Variants in ADA observed in about 807,000 individuals in gnomAD.
ADA encodes adenosine aminohydrolase.
Under a neutral mutation model 49.0 loss-of-function variants are expected in ADA, and 45 were observed. The ratio of observed to expected loss-of-function variants is 0.92; its 90% CI spans 0.72 to 1.18. The LOEUF (loss-of-function observed/expected upper bound fraction) is 1.18. Among genes scored for constraint, ADA ranks in the 50% most tolerant of loss-of-function variants. The probability of loss-of-function intolerance (pLI) is 0.00; values close to 1 mark genes in which losing one functional copy is unlikely to be tolerated. For missense variants in ADA, 445 were observed against 472.5 expected, an observed-to-expected ratio of 0.94 and a Z score of 0.54; for synonymous variants, 173 against 184.2, an observed-to-expected ratio of 0.94 and a Z score of 0.49.
At chr20:44,622,538 T>C (rs1568843244) in intron 9 of ADA, 50 bp downstream of exon 9, 3 of 1,608,654 alleles carry the variant, frequency 1.9e-6, no homozygotes, top group Non-Finnish European at 2.6e-6. Context: ...TTCTTCCCTC[T>C]TTGGCCTTCC....
intron 2 of ADA, among the ~76,000 whole-genome samples, chr20:44,634,100 C>G (rs1676761434): frequency 6.6e-6 from 1 of 152,214 alleles, no homozygotes; most frequent in Non-Finnish European, 1.5e-5. Context: ...GGCTCCTTTC[C>G]CCTTTCTCTT....
At chr20:44,637,203 T>C (rs1002299069) in intron 1 of ADA, among the ~76,000 whole-genome samples, 2 of 152,120 alleles carry the variant, frequency 1.3e-5, no homozygotes, top group Non-Finnish European at 2.9e-5. Context: ...AGTTTAAGAG[T>C]AGGATCCTTG....
intron 5 of ADA, among the ~76,000 whole-genome samples, chr20:44,625,131 G>A (rs990842551): frequency 1.3e-5 from 2 of 152,224 alleles, no homozygotes; most frequent in African/African-American, 4.8e-5. Context: ...CAGTGAGGCT[G>A]TGCACCATGA....
intron 1 of ADA, among the ~76,000 whole-genome samples, chr20:44,641,437 C>G (rs1231249760): frequency 6.6e-6 from 1 of 151,866 alleles, no homozygotes; most frequent in East Asian, 1.9e-4. Flanking sequence ...AATTTTGCCC[C>G]TAAAGGAACT....
chr20:44,625,059 G>A (rs966114233), intron 5 of ADA, among the ~76,000 whole-genome samples: 3 of 152,246 alleles, frequency 2.0e-5, no homozygotes, highest in African/African-American at 7.2e-5. Context: ...CCTTGTGACA[G>A]TGCACAACTG....
intron 2 of ADA, among the ~76,000 whole-genome samples, chr20:44,633,708 A>G (rs1222291586): frequency 6.6e-6 from 1 of 152,252 alleles, no homozygotes; most frequent in African/African-American, 2.4e-5. Context: ...AGCCAGTTTC[A>G]GAATCTCTGT....
Position 44,626,557 on chromosome 20 carries a change from T to C in ADA, c.261A>G (p.Val87=), listed in dbSNP as rs2065384508. ...EAIKRIAYEF[V]EMKAKEGVVY... ...CCACGCCCTCTTTGGCCTTCATCTC[T>C]ACAAACTCATAGGCGATCCTTTTGA... The change falls in exon 4 of 12, where the codon GTA becomes GTG. Residue 87 remains valine (V), a synonymous_variant. Transcript: ENST00000372874. 1 of 1,614,158 alleles carries C rather than the reference T, an allele frequency of 6.2e-7. No homozygotes were observed. The highest frequency in any genetic ancestry group is 1.1e-5 in the South Asian group (1 of 91,080).
At position 44,622,885 on chromosome 20, in the gene ADA, T is replaced by C; in HGVS notation, c.724A>G (p.Thr242Ala). The C allele has an allele frequency of 6.2e-7, 1 of 1,614,160 alleles. No individual in the cohort carries two copies. The highest frequency in any genetic ancestry group is 8.5e-7 in the Non-Finnish European group (1 of 1,180,024). Reference sequence around the variant, plus strand: ...TTATAAAGGGCCTGGTCTTCCAGGGTGTGGTAGCCGTGTCCCAGCCGCTCT... The same window carrying C: ...TTATAAAGGGCCTGGTCTTCCAGGGCGTGGTAGCCGTGTCCCAGCCGCTCT... ...KTERLGHGYH[T>A]LEDQALYNRL... Residue 242 changes from threonine to alanine, a missense_variant, in exon 8 of 12, where the codon ACC becomes GCC. By Grantham distance (58) the Thr-to-Ala change is moderately conservative. Coordinates refer to ENST00000372874, the MANE Select transcript of ADA (RefSeq NM_000022.4).
chr20:44,644,955 C>T (rs947056501), intron 1 of ADA, among the ~76,000 whole-genome samples: 3 of 152,210 alleles, frequency 2.0e-5, no homozygotes, highest in Non-Finnish European at 4.4e-5. Context: ...GACTGAGGCT[C>T]AGAGAGTGGG....
intron 1 of ADA, among the ~76,000 whole-genome samples, chr20:44,640,139 C>T (rs972358470): frequency 1.3e-5 from 2 of 152,006 alleles, no homozygotes; most frequent in Non-Finnish European, 2.9e-5. Context: ...ATGGGTCGGG[C>T]GTGGTGGTTC....
At position 44,651,596 on chromosome 20, in the gene ADA, C is replaced by T; in HGVS notation, c.12G>A (p.Thr4=). The T allele has an allele frequency of 6.5e-7, 1 of 1,539,656 alleles. No homozygotes were observed. The highest frequency in any genetic ancestry group is 8.7e-7 in the Non-Finnish European group (1 of 1,150,420). ...TCACTTTGGGCTTGTCGAAGGCGGG[C>T]GTCTGGGCCATGGTGCCCTCGTGCG... MAQ[T]PAFDKPKVEL... Residue 4 remains threonine (T), a synonymous_variant, in exon 1 of 12, where the codon ACG becomes ACA. Transcript: ENST00000372874.
chr20:44,629,866 C>T (rs980165263), intron 2 of ADA, among the ~76,000 whole-genome samples: 5 of 152,186 alleles, frequency 3.3e-5, no homozygotes, highest in Non-Finnish European at 5.9e-5. Flanking sequence ...CCAAGCATCT[C>T]GGCCTCCCCT....
intron 9 of ADA, 30 bp downstream of exon 9, chr20:44,622,558 A>G (rs545935345): frequency 6.2e-7 from 1 of 1,614,058 alleles, no homozygotes; most frequent in African/African-American, 1.3e-5. Context: ...CTGGAACAAA[A>G]TTGAACAGGC....
chr20:44,622,956 G>A (rs762269064), intron 7 of ADA, 26 bp from the exon 8 acceptor site: 13 of 1,614,124 alleles, frequency 8.1e-6, no homozygotes, highest in South Asian at 7.7e-5. Flanking sequence ...ATAGAGCCAA[G>A]TATGGGAGGA....
intron 1 of ADA, among the ~76,000 whole-genome samples, chr20:44,649,033 C>T (rs1241393425): frequency 6.6e-6 from 1 of 152,056 alleles, no homozygotes; most frequent in Non-Finnish European, 1.5e-5. Flanking sequence ...CCTCTATCCC[C>T]AAAGGCTTCT....
intron 6 of ADA, 198 bp downstream of exon 6, chr20:44,624,004 C>T: frequency 1.4e-6 from 1 of 713,240 alleles, no homozygotes; most frequent in Non-Finnish European, 2.3e-6. Context: ...GCCTCGCCTC[C>T]CAAAGTGCTG....
At position 44,621,009 on chromosome 20, in the gene ADA, C is replaced by G. The variant is rs2065325766; in HGVS notation, c.975+9G>C. 1 of 1,613,872 alleles carries G rather than the reference C, an allele frequency of 6.2e-7. No homozygotes were observed. Among genetic ancestry groups the G allele is most frequent in the Non-Finnish European group, 8.5e-7 (1 of 1,179,972 alleles). On this transcript the variant is annotated intron_variant, in intron 10 of 11. Coordinates refer to ENST00000372874, the MANE Select transcript of ADA (RefSeq NM_000022.4). ...CGAGTCAAGGCCAGTATGGCTCACA[C>G]CCACTCACCAGCCTTTTAAACTCCT...
intron 9 of ADA, among the ~76,000 whole-genome samples, chr20:44,621,867 T>C (rs2123514091): frequency 6.6e-6 from 1 of 152,266 alleles, no homozygotes; most frequent in African/African-American, 2.4e-5. Flanking sequence ...CAGCCCATGG[T>C]ATACCCACAT....
chr20:44,622,567 G>T (rs1452166621), intron 9 of ADA, 21 bp downstream of exon 9: 1 of 1,614,136 alleles, frequency 6.2e-7, no homozygotes, highest in Admixed American at 1.7e-5. Context: ...AATTGAACAG[G>T]CCCAGGGGAA....
Sources: allele counts gnomAD v4.1 joint callset (sites outside exome capture counted in the v4.1 genomes callset), GRCh38; gene constraint gnomAD v4.1.1; transcripts MANE v1.5; gene names NCBI Gene and HGNC (gene_info 2026-07-23, HGNC 2026-07-21).